The following MFSD6 variants were observed in gnomAD, a reference collection of about 807,000 sequenced individuals.
The protein encoded by MFSD6 is major facilitator superfamily domain-containing protein 6.
MFSD6 carries 26 observed loss-of-function variants against 56.3 expected under a neutral mutation model. That is an observed-to-expected ratio of 0.46 (90% CI 0.34 to 0.64). The LOEUF (loss-of-function observed/expected upper bound fraction) is 0.64, where lower values mean the gene tolerates loss of function less well. Ranked by LOEUF, MFSD6 falls within the 30% of genes least tolerant of loss-of-function variation. The pLI is 0.01. For missense variants in MFSD6, 750 were observed against 986.2 expected, an observed-to-expected ratio of 0.76 and a Z score of 3.21; for synonymous variants, 331 against 366.9, an observed-to-expected ratio of 0.90 and a Z score of 1.12.
At position 190,408,465 on chromosome 2, in the gene MFSD6, C is replaced by A; in HGVS notation, c.-214C>A. On this transcript the variant is annotated 5_prime_UTR_variant, in exon 1 of 8. Coordinates refer to ENST00000392328, the MANE Select transcript of MFSD6 (RefSeq NM_017694.4). ...CCCGTGCTCCGGGGACAGGGCTCCC[C>A]GCGCCCCGCGCAGCTGAGCGCTGCC... is the stretch of plus-strand genomic sequence containing the variant. The A allele has an allele frequency of 6.6e-6, 1 of 151,674 alleles. No homozygotes were observed. The highest frequency in any genetic ancestry group is 1.8e-4 in the South Asian group (1 of 5,494). 9.4% of individuals were successfully genotyped at this position (151,674 alleles called of 1,614,324 possible). A position where few individuals can be genotyped will look rare whatever the true frequency, so the allele number is the denominator to read the frequency against.
chr2:190,496,539 A>G lies in MFSD6; in HGVS notation c.1892-900A>G, dbSNP rs1312245942. On this transcript the variant is annotated intron_variant, in intron 6 of 7. Transcript: ENST00000392328. This position sits in a 1 kb window ranked among gnomAD's most constrained non-coding sequence, Gnocchi z 4.7. ...AAAAGATACTTGTACATGCATGTTT[A>G]TAGCATCACAATTGCAAAAATGTGG... Among the ~76,000 whole-genome samples, 1 of 152,230 alleles carries G rather than the reference A, an allele frequency of 6.6e-6. No individual in the cohort carries two copies. Among genetic ancestry groups the G allele is most frequent in the Non-Finnish European group, 1.5e-5 (1 of 68,036 alleles).
intron 2 of MFSD6, among the ~76,000 whole-genome samples, chr2:190,430,106 C>T (rs1575829708): frequency 6.7e-6 from 1 of 148,382 alleles, no homozygotes; most frequent in African/African-American, 2.5e-5. Flanking sequence ...GTTTGGTTTT[C>T]TGTCCTTGTG....
Position 190,410,327 on chromosome 2 carries a change from A to G in MFSD6, c.-176+1824A>G, listed in dbSNP as rs748895922. On this transcript the variant is annotated intron_variant, in intron 1 of 7. Coordinates refer to ENST00000392328, the MANE Select transcript of MFSD6 (RefSeq NM_017694.4). This position sits in a 1 kb window ranked among gnomAD's most constrained non-coding sequence, Gnocchi z 4.4. ...TCAGAAGGGTTAAGCAACTTACACA[A>G]ACCACATAATCAGTAAGAGGTAGAG... Among the ~76,000 whole-genome samples the G allele has an allele frequency of 1.8e-4, 27 of 152,188 alleles. No individual in the cohort carries two copies. The highest frequency in any genetic ancestry group is 3.4e-4 in the Non-Finnish European group (23 of 68,024).
intron 1 of MFSD6, chr2:190,411,020 A>C: frequency 3.5e-6 from 2 of 575,522 alleles, no homozygotes; most frequent in Non-Finnish European, 4.4e-6. Context: ...GCGCCACTGC[A>C]CTCCAGCCTG....
intron 3 of MFSD6, among the ~76,000 whole-genome samples, chr2:190,449,950 C>T (rs865889156): frequency 2.6e-5 from 4 of 151,874 alleles, no homozygotes; most frequent in Non-Finnish European, 5.9e-5. Flanking sequence ...ACCAGCATGG[C>T]ACATGTATAC....
At position 190,447,285 on chromosome 2, in the gene MFSD6, G is replaced by A. The variant is rs1686618703; in HGVS notation, c.1532+9724G>A. Among the ~76,000 whole-genome samples the A allele has an allele frequency of 6.6e-6, 1 of 152,196 alleles. No individual in the cohort carries two copies. Among genetic ancestry groups the A allele is most frequent in the African/African-American group, 2.4e-5 (1 of 41,436 alleles). ...TGTTTTGCTTTTAGCCAAAAGGACA[G>A]CTGGCAATGTTCTGTTAGACATGAG... On this transcript the variant is annotated intron_variant, in intron 3 of 7. Transcript: ENST00000392328. This position sits in a 1 kb window ranked among gnomAD's most constrained non-coding sequence, Gnocchi z 4.5.
chr2:190,489,165 TTCA>T lies in MFSD6; in HGVS notation c.1792+352_1792+354del, dbSNP rs762768323. Among the ~76,000 whole-genome samples, 2 of 152,310 alleles carry T rather than the reference TTCA, an allele frequency of 1.3e-5. No homozygotes were observed. The highest frequency in any genetic ancestry group is 4.2e-4 in the South Asian group (2 of 4,818). On this transcript the variant is annotated intron_variant, in intron 5 of 7. Transcript: ENST00000392328. This position sits in a 1 kb window ranked among gnomAD's most constrained non-coding sequence, Gnocchi z 6.6. ...GATAATAACCCTAAAGGAAATAAAA[TTCA>T]TCATTGTTATTCCATTAGGAGATTT...
rs145039233 is a variant in MFSD6, at chr2:190,457,997, G to A, written c.1533-11761G>A. On this transcript the variant is annotated intron_variant, in intron 3 of 7. Transcript: ENST00000392328. This position sits in a 1 kb window ranked among gnomAD's most constrained non-coding sequence, Gnocchi z 5.1. ...GGTCAGATTAGGTTGTACAAAATGC[G>A]AAGAGTCCTCCTCTAAGGATACAGC... Among the ~76,000 whole-genome samples the A allele has an allele frequency of 1.2e-4, 19 of 152,320 alleles. No individual in the cohort carries two copies. Among genetic ancestry groups the A allele is most frequent in the Non-Finnish European group, 2.2e-4 (15 of 68,024 alleles).
rs1383860199 is a variant in MFSD6 at position 190,410,445 on chromosome 2, C to T, written c.-176+1942C>T. ...AGAACCTATTAAGTCTCTCCACCTA[C>T]GCAGATGTCTTCCTTAGCTTCGTGC... On this transcript the variant is annotated intron_variant, in intron 1 of 7. Coordinates refer to ENST00000392328, the MANE Select transcript of MFSD6 (RefSeq NM_017694.4). This position sits in a 1 kb window ranked among gnomAD's most constrained non-coding sequence, Gnocchi z 4.4. 3.3e-5 allele frequency among the ~76,000 whole-genome samples: 5 copies of T among 152,210 alleles called. No homozygotes were observed. The highest frequency in any genetic ancestry group is 4.4e-5 in the Non-Finnish European group (3 of 68,034).
At chr2:190,475,009 C>G (rs940153152) in intron 4 of MFSD6, among the ~76,000 whole-genome samples, 3 of 152,168 alleles carry the variant, frequency 2.0e-5, no homozygotes, top group Non-Finnish European at 4.4e-5. Flanking sequence ...TTGCAAAATT[C>G]AACAACCCTT....
Position 190,454,911 on chromosome 2 carries a change from G to C in MFSD6, c.1533-14847G>C, listed in dbSNP as rs1250378295. Among the ~76,000 whole-genome samples, 1 of 146,690 alleles carries C rather than the reference G, an allele frequency of 6.8e-6. No individual in the cohort carries two copies. Among genetic ancestry groups the C allele is most frequent in the African/African-American group, 2.6e-5 (1 of 38,086 alleles). ...ACGGCAAACTTGTATTTTTCTGTAT[G>C]TATATGTGTTCCTGGTTTCTGTATG... On this transcript the variant is annotated intron_variant, in intron 3 of 7. Transcript: ENST00000392328. This position sits in a 1 kb window ranked among gnomAD's most constrained non-coding sequence, Gnocchi z 4.6.
chr2:190,476,044 C>T (rs1263335123), intron 4 of MFSD6, among the ~76,000 whole-genome samples: 1 of 152,180 alleles, frequency 6.6e-6, no homozygotes, highest in Middle Eastern at 3.2e-3. Context: ...TTCCTTACAC[C>T]TTATACAGAA....
chr2:190,484,769 A>G (rs1688916058), intron 4 of MFSD6, among the ~76,000 whole-genome samples: 1 of 152,190 alleles, frequency 6.6e-6, no homozygotes, highest in Non-Finnish European at 1.5e-5. Flanking sequence ...TATCTAAGAA[A>G]TGAGATGAAT....
At chr2:190,464,431 G>A (rs1010749716) in intron 3 of MFSD6, among the ~76,000 whole-genome samples, 3 of 152,084 alleles carry the variant, frequency 2.0e-5, no homozygotes, top group Non-Finnish European at 2.9e-5. Context: ...TTTCTTTGCT[G>A]CTCACACCCT....
chr2:190,477,414 A>G (rs1213489751), intron 4 of MFSD6: 1 of 931,538 alleles, frequency 1.1e-6, no homozygotes, highest in Non-Finnish European at 1.3e-6. Flanking sequence ...TATATATTAT[A>G]ATAATACATG....
In MFSD6 at chr2:190,469,123, T is replaced by C. The variant is rs1687768764; in HGVS notation, c.1533-635T>C. ...AAGAGGTTGGTGTATATTTATTAGTTTTGTAAACATATGATACCATGAATT... is the reference window on the plus strand; with the variant it reads ...AAGAGGTTGGTGTATATTTATTAGTCTTGTAAACATATGATACCATGAATT... On this transcript the variant is annotated intron_variant, in intron 3 of 7. Transcript: ENST00000392328. This position sits in a 1 kb window ranked among gnomAD's most constrained non-coding sequence, Gnocchi z 5.3. Among the ~76,000 whole-genome samples the C allele has an allele frequency of 6.6e-6, 1 of 152,194 alleles. No individual in the cohort carries two copies. The highest frequency in any genetic ancestry group is 2.1e-4 in the South Asian group (1 of 4,830).
In MFSD6 at chr2:190,418,370, A is replaced by G. The variant is rs545352128; in HGVS notation, c.-54+2957A>G. On this transcript the variant is annotated intron_variant, in intron 2 of 7. Coordinates refer to ENST00000392328, the MANE Select transcript of MFSD6 (RefSeq NM_017694.4). The surrounding 1 kb of genome is among the most constrained non-coding windows in gnomAD (Gnocchi z 4.1). ...ACTGATTCCCTGTTGAAGTGCAAATATGTTGTCAAGATGGGGCAACCAAGG... is the reference window on the plus strand; with the variant it reads ...ACTGATTCCCTGTTGAAGTGCAAATGTGTTGTCAAGATGGGGCAACCAAGG... 2.6e-5 allele frequency among the ~76,000 whole-genome samples: 4 copies of G among 152,336 alleles called. No homozygotes were observed. The South Asian group carries it at 8.3e-4, about 32-fold the overall frequency.
In MFSD6 at chr2:190,500,506, C is replaced by T. The variant is rs1689976659; in HGVS notation, c.*288C>T. On this transcript the variant is annotated 3_prime_UTR_variant, in exon 8 of 8. Transcript: ENST00000392328. This position sits in a 1 kb window ranked among gnomAD's most constrained non-coding sequence, Gnocchi z 5.3. ...GTTAAGGATGATAGAATTTCTCTGCCAGTGCAGTAAGAGTTGAAACCGGCA... is the reference window on the plus strand; with the variant it reads ...GTTAAGGATGATAGAATTTCTCTGCTAGTGCAGTAAGAGTTGAAACCGGCA... 5.4e-6 allele frequency: 2 copies of T among 369,210 alleles called. No homozygotes were observed. The highest frequency in any genetic ancestry group is 9.8e-6 in the Non-Finnish European group (2 of 203,054). The allele number at this position is 369,210 out of a possible 1,614,324, so 22.9% of individuals were successfully genotyped here.
In MFSD6 at chr2:190,496,322, T is replaced by C. The variant is rs1190137954; in HGVS notation, c.1892-1117T>C. 6.6e-6 allele frequency among the ~76,000 whole-genome samples: 1 copy of C among 152,012 alleles called. No homozygotes were observed. Among genetic ancestry groups the C allele is most frequent in the African/African-American group, 2.4e-5 (1 of 41,386 alleles). On this transcript the variant is annotated intron_variant, in intron 6 of 7. Coordinates refer to ENST00000392328, the MANE Select transcript of MFSD6 (RefSeq NM_017694.4). This position sits in a 1 kb window ranked among gnomAD's most constrained non-coding sequence, Gnocchi z 4.7. ...CACAAGAATGGCCATTATCAAATAA[T>C]CAAAAAATAATTGATGTTGGTGTGG...
Sources: allele counts gnomAD v4.1 joint callset (sites outside exome capture counted in the v4.1 genomes callset), GRCh38; gene constraint gnomAD v4.1.1; non-coding constraint Gnocchi (gnomAD v3.1); transcripts MANE v1.5; gene names NCBI Gene and HGNC (gene_info 2026-07-23, HGNC 2026-07-21).